ADCYAP1R1: variants seen among roughly 807,000 people sequenced by gnomAD.
The protein encoded by ADCYAP1R1 is ADCYAP receptor type I.
In ADCYAP1R1, 44 loss-of-function variants were observed where a neutral mutation model predicts 67.6. That is an observed-to-expected ratio of 0.65 (90% CI 0.51 to 0.84). ADCYAP1R1 has a LOEUF of 0.84. Ranked by LOEUF, ADCYAP1R1 falls within the 40% of genes least tolerant of loss-of-function variation. ADCYAP1R1 has a pLI of 0.00. For missense variants in ADCYAP1R1, 477 were observed against 587.9 expected (o/e 0.81, Z 1.95); for synonymous variants, 222 against 219.6 (o/e 1.01, Z -0.10).
intron 12 of ADCYAP1R1, among the ~76,000 whole-genome samples, chr7:31,088,614 T>A (rs1262723349): frequency 6.6e-6 from 1 of 152,204 alleles, no homozygotes; most frequent in African/African-American, 2.4e-5. Context: ...ACCCTCTCAA[T>A]CCTTTTTATT....
rs1222464510 is a variant in ADCYAP1R1, at chr7:31,102,033, T to C, written c.1047-1204T>C. On this transcript the variant is annotated intron_variant, in intron 13 of 15. Coordinates refer to ENST00000304166, the MANE Select transcript of ADCYAP1R1 (RefSeq NM_001118.5). This position sits in a 1 kb window ranked among gnomAD's most constrained non-coding sequence, Gnocchi z 4.3. ...TCCTTCCTTCCTTCTCCTCTCTGAA[T>C]GTAAGCTAGGAAGTCAAGGGCCTCA... 6.6e-6 allele frequency among the ~76,000 whole-genome samples: 1 copy of C among 152,182 alleles called. No homozygotes were observed. Among genetic ancestry groups the C allele is most frequent in the Non-Finnish European group, 1.5e-5 (1 of 68,016 alleles).
At chr7:31,062,481 G>A (rs923794679) in intron 1 of ADCYAP1R1, among the ~76,000 whole-genome samples, 3 of 152,208 alleles carry the variant, frequency 2.0e-5, no homozygotes, top group Non-Finnish European at 4.4e-5. Flanking sequence ...GAACAAAGAG[G>A]CCTTTTAAGG....
chr7:31,074,053 C>T (rs1349436939), intron 3 of ADCYAP1R1, among the ~76,000 whole-genome samples: 1 of 152,170 alleles, frequency 6.6e-6, no homozygotes, highest in Non-Finnish European at 1.5e-5. Flanking sequence ...GTAGCTGCCC[C>T]AGCCATCCTC....
At chr7:31,062,005 T>C (rs1305484276) in intron 1 of ADCYAP1R1, among the ~76,000 whole-genome samples, 2 of 152,224 alleles carry the variant, frequency 1.3e-5, no homozygotes, top group African/African-American at 4.8e-5. Flanking sequence ...ACCATAACCA[T>C]CGTACAGCTG....
At position 31,064,902 on chromosome 7, in the gene ADCYAP1R1, C is replaced by T. The variant is rs374447767; in HGVS notation, c.123C>T (p.Ala41=). 16 of 1,612,166 alleles carry T rather than the reference C, an allele frequency of 9.9e-6. No individual in the cohort carries two copies. The highest frequency in any genetic ancestry group is 8.9e-5 in the East Asian group (4 of 44,856). The change falls in exon 3 of 16, where the codon GCC becomes GCT. Residue 41 remains alanine (A), a synonymous_variant. Transcript: ENST00000304166. ...TGTGCCTGGAGAAGATCCAGAGGGC[C>T]AATGAGCTGATGGGCTTCAATGATT... The part of the protein sequence containing the change: ...QAMCLEKIQR[A]NELMGFNDSS...
intron 3 of ADCYAP1R1, among the ~76,000 whole-genome samples, chr7:31,065,558 G>A (rs1794701523): frequency 6.6e-6 from 1 of 152,140 alleles, no homozygotes; most frequent in Admixed American, 6.5e-5. Context: ...ATCACAAAAT[G>A]CCTCCCAAGA....
intron 13 of ADCYAP1R1, among the ~76,000 whole-genome samples, chr7:31,101,639 C>A (rs139346250): frequency 2.6e-5 from 4 of 152,306 alleles, no homozygotes; most frequent in African/African-American, 9.6e-5. Context: ...CATGGATAAC[C>A]AGAGATGAAC....
chr7:31,105,017 C>A, intron 15 of ADCYAP1R1, 108 bp downstream of exon 15: 1 of 1,169,440 alleles, frequency 8.6e-7, no homozygotes, highest in Non-Finnish European at 1.3e-6. Flanking sequence ...AGAGAGGGCT[C>A]TGCCAGGCTC....
chr7:31,080,604 C>A lies in ADCYAP1R1; in HGVS notation c.266-9C>A. The A allele has an allele frequency of 1.2e-6, 2 of 1,613,412 alleles. No individual in the cohort carries two copies. The highest frequency in any genetic ancestry group is 1.7e-6 in the Non-Finnish European group (2 of 1,179,994). On this transcript the variant is annotated splice_polypyrimidine_tract_variant and intron_variant, in intron 4 of 15. Transcript: ENST00000304166. ...GACTTTTCTCTCTCTCTCTTTCTCT[C>A]TGTTTCAGTCTGGGAGACCGAAACC...
rs777732367 is a variant in ADCYAP1R1 at position 31,106,652 on chromosome 7, T to G, written c.1375T>G (p.Ser459Ala). The change falls in exon 16 of 16, where the codon TCT (serine) becomes GCT (alanine). Residue 459 changes from serine (S) to alanine (A), a missense_variant. By Grantham distance (99) the Ser-to-Ala change is moderately conservative. Transcript: ENST00000304166. ...LSKSSSQIRM[S>A]GLPADNLAT is the part of the protein sequence containing the mutation. ...CAAGAGCAGCTCCCAAATCCGCATG[T>G]CTGGCCTCCCTGCTGACAATCTGGC... The G allele has an allele frequency of 6.2e-7, 1 of 1,611,880 alleles. No homozygotes were observed. The highest frequency in any genetic ancestry group is 1.3e-5 in the African/African-American group (1 of 74,864).
chr7:31,067,934 C>A (rs1440884724), intron 3 of ADCYAP1R1, among the ~76,000 whole-genome samples: 1 of 152,150 alleles, frequency 6.6e-6, no homozygotes, highest in East Asian at 1.9e-4. Context: ...TGCTACATCC[C>A]AGTTCTTCTG....
intron 1 of ADCYAP1R1, among the ~76,000 whole-genome samples, chr7:31,061,364 A>C (rs1258237957): frequency 6.6e-6 from 1 of 152,200 alleles, no homozygotes; most frequent in Non-Finnish European, 1.5e-5. Flanking sequence ...GGTAGAAGTG[A>C]CCAAGCCCTT....
intron 1 of ADCYAP1R1, among the ~76,000 whole-genome samples, chr7:31,056,334 C>A (rs1356916203): frequency 2.0e-5 from 3 of 152,088 alleles, no homozygotes; most frequent in Non-Finnish European, 4.4e-5. Context: ...GCCTTAGCTG[C>A]CCTCATCTTT....
intron 1 of ADCYAP1R1, among the ~76,000 whole-genome samples, chr7:31,054,356 C>T (rs1396394622): frequency 6.6e-6 from 1 of 152,128 alleles, no homozygotes; most frequent in Non-Finnish European, 1.5e-5. Context: ...CCCTCTCCTG[C>T]ACTCTCGGGA....
At chr7:31,078,471 G>A (rs772030396) in intron 4 of ADCYAP1R1, among the ~76,000 whole-genome samples, 16 of 152,202 alleles carry the variant, frequency 1.1e-4, no homozygotes, top group Non-Finnish European at 1.6e-4. Flanking sequence ...GACTTGGCGC[G>A]CTTTGAACGT....
intron 1 of ADCYAP1R1, among the ~76,000 whole-genome samples, chr7:31,059,630 A>G (rs1238487191): frequency 6.6e-6 from 1 of 152,144 alleles, no homozygotes. Flanking sequence ...AGGAGGAGCC[A>G]CTGGCAGGGC....
chr7:31,054,369 G>C (rs1256522031), intron 1 of ADCYAP1R1, among the ~76,000 whole-genome samples: 3 of 152,200 alleles, frequency 2.0e-5, no homozygotes, highest in Admixed American at 6.5e-5. Context: ...TCTCGGGACT[G>C]ATCTAAGCTA....
intron 1 of ADCYAP1R1, among the ~76,000 whole-genome samples, chr7:31,059,442 T>A (rs1480613545): frequency 6.6e-6 from 1 of 151,990 alleles, no homozygotes; most frequent in East Asian, 1.9e-4. Flanking sequence ...CCCAACAGAG[T>A]CTGGACCCAA....
intron 13 of ADCYAP1R1, among the ~76,000 whole-genome samples, chr7:31,099,832 A>G: frequency 6.6e-6 from 1 of 152,208 alleles, no homozygotes; most frequent in Non-Finnish European, 1.5e-5. Context: ...GACCTAGCCC[A>G]GGCCACCTTC....
Sources: allele counts gnomAD v4.1 joint callset (sites outside exome capture counted in the v4.1 genomes callset), GRCh38; gene constraint gnomAD v4.1.1; non-coding constraint Gnocchi (gnomAD v3.1); transcripts MANE v1.5; gene names NCBI Gene and HGNC (gene_info 2026-07-23, HGNC 2026-07-21).